Variants in DPP6 observed in about 807,000 individuals in gnomAD.
DPP6 encodes A-type potassium channel modulatory protein DPP6.
A neutral mutation model predicts 122.6 loss-of-function variants in DPP6; 69 were observed. The observed-to-expected ratio is 0.56, with a 90% confidence interval of 0.46 to 0.69. The LOEUF (loss-of-function observed/expected upper bound fraction) is 0.69. DPP6 is among the 30% of genes least tolerant of loss of function. The pLI, the probability that DPP6 is intolerant of heterozygous loss-of-function variation, is 0.00. For missense variants in DPP6, 928 were observed against 1,116.9 expected (o/e 0.83, Z 2.41); for synonymous variants, 418 against 433.1 (o/e 0.97, Z 0.43).
At chr7:154,320,484 T>TG (rs11456801) in intron 1 of DPP6, among the ~76,000 whole-genome samples, 93,932 of 151,628 alleles carry the variant, frequency 0.62, 30,138 homozygotes, top group Middle Eastern at 0.73. Flanking sequence ...TGTTTTTTTT[T>TG]TTGTTGTTGT....
chr7:154,274,742 G>A (rs1223723751), intron 1 of DPP6, among the ~76,000 whole-genome samples: 1 of 152,274 alleles, frequency 6.6e-6, no homozygotes, highest in African/African-American at 2.4e-5. Context: ...CAGTGCCTAT[G>A]TGTATATTAG....
chr7:153,898,989 A>G (rs148563852), intron 1 of DPP6, among the ~76,000 whole-genome samples: 1 of 152,326 alleles, frequency 6.6e-6, no homozygotes, highest in African/African-American at 2.4e-5. Flanking sequence ...CAAGAAGGGA[A>G]AGGCGAGAGA....
At chr7:154,623,615 G>A (rs1373406466) in intron 5 of DPP6, among the ~76,000 whole-genome samples, 2 of 142,958 alleles carry the variant, frequency 1.4e-5, no homozygotes, top group Non-Finnish European at 3.0e-5. Flanking sequence ...ACACACGCAC[G>A]TACACGCGCA....
intron 8 of DPP6, among the ~76,000 whole-genome samples, chr7:154,744,257 G>A (rs1394807751): frequency 6.6e-6 from 1 of 152,202 alleles, no homozygotes; most frequent in Non-Finnish European, 1.5e-5. Context: ...AAGAAAGGAA[G>A]ACTGGGGAAT....
At chr7:154,210,356 C>T (rs929901805) in intron 1 of DPP6, among the ~76,000 whole-genome samples, 2 of 152,120 alleles carry the variant, frequency 1.3e-5, no homozygotes, top group African/African-American at 4.8e-5. Flanking sequence ...TTCTCTCATC[C>T]AACACTGTGT....
At chr7:153,854,355 A>G in the DPP6 span, among the ~76,000 whole-genome samples, 2 of 152,150 alleles carry the variant, frequency 1.3e-5, no homozygotes, top group South Asian at 2.1e-4. Flanking sequence ...AAGGGCTAAT[A>G]TCCAGAATCT....
the DPP6 span, among the ~76,000 whole-genome samples, chr7:153,807,633 C>T: frequency 2.6e-5 from 4 of 151,962 alleles, no homozygotes; most frequent in South Asian, 2.1e-4. Flanking sequence ...GAGGTTTTGG[C>T]GGGGCTCGGG....
At chr7:154,800,445 A>C (rs1798292951) in intron 12 of DPP6, among the ~76,000 whole-genome samples, 1 of 152,250 alleles carries the variant, frequency 6.6e-6, no homozygotes, top group African/African-American at 2.4e-5. Flanking sequence ...TCACGGATGG[A>C]AACTTTCAAA....
chr7:154,196,079 A>G (rs1798852142), intron 1 of DPP6, among the ~76,000 whole-genome samples: 1 of 152,232 alleles, frequency 6.6e-6, no homozygotes, highest in East Asian at 1.9e-4. Flanking sequence ...TCCATCGGAT[A>G]GAATAACTGT....
chr7:154,194,552 A>C lies in DPP6; in HGVS notation c.243+141489A>C, dbSNP rs140294731. Among the ~76,000 whole-genome samples, 479 of 152,306 alleles carry C rather than the reference A, an allele frequency of 3.1e-3. 2 individuals are homozygous for C. Among genetic ancestry groups the C allele is most frequent in the African/African-American group, 9.5e-3 (393 of 41,568 alleles). On this transcript the variant is annotated intron_variant, in intron 1 of 25. Transcript: ENST00000377770. ...TGTGACACCTCACCTCGCTCCTCCCAGGCAGCCAGAGATGCCCTTTCTGCC... is the reference window on the plus strand; with the variant it reads ...TGTGACACCTCACCTCGCTCCTCCCCGGCAGCCAGAGATGCCCTTTCTGCC...
intron 1 of DPP6, among the ~76,000 whole-genome samples, chr7:153,991,881 A>G (rs1797195097): frequency 6.6e-6 from 1 of 151,636 alleles, no homozygotes; most frequent in African/African-American, 2.4e-5. Flanking sequence ...TTGTGTTGCT[A>G]TAATAAAATA....
the DPP6 span, among the ~76,000 whole-genome samples, chr7:153,829,690 AC>A: frequency 6.6e-6 from 1 of 152,210 alleles, no homozygotes; most frequent in East Asian, 1.9e-4. Flanking sequence ...CACTTCTGGA[AC>A]GCAGCGTGCA....
Position 154,282,255 on chromosome 7 carries a change from A to G in DPP6, c.244-163959A>G, listed in dbSNP as rs927304263. ...GGTTTTCATTGATGGTGGCAGCTTT[A>G]GCCAGGCAGTGGTTTCCCTGTTGTA... is the stretch of plus-strand genomic sequence containing the variant. On this transcript the variant is annotated intron_variant, in intron 1 of 25. Coordinates refer to ENST00000377770, the MANE Select transcript of DPP6 (RefSeq NM_130797.4). This position sits in a 1 kb window ranked among gnomAD's most constrained non-coding sequence, Gnocchi z 4.8. 6.6e-6 allele frequency among the ~76,000 whole-genome samples: 1 copy of G among 152,102 alleles called. No homozygotes were observed. The highest frequency in any genetic ancestry group is 1.5e-5 in the Non-Finnish European group (1 of 68,004).
intron 1 of DPP6, among the ~76,000 whole-genome samples, chr7:154,062,172 G>C (rs1440637046): frequency 9.8e-6 from 1 of 101,932 alleles, no homozygotes; most frequent in East Asian, 2.7e-4. Flanking sequence ...GACCCACATC[G>C]TTGATCCTAA....
chr7:154,601,507 C>T, intron 5 of DPP6, among the ~76,000 whole-genome samples: 1 of 120,648 alleles, frequency 8.3e-6, no homozygotes, highest in South Asian at 3.4e-4. Flanking sequence ...TTCTTCAGTC[C>T]ATTTGTTTGA....
chr7:154,885,922 C>T (rs999872574), intron 22 of DPP6, among the ~76,000 whole-genome samples, 178 bp downstream of exon 22: 1 of 152,202 alleles, frequency 6.6e-6, no homozygotes, highest in Non-Finnish European at 1.5e-5. Flanking sequence ...GGAAGGGTCT[C>T]AGGTAATATG....
chr7:154,062,033 C>CCCA (rs1802039485), intron 1 of DPP6, among the ~76,000 whole-genome samples: 1 of 127,844 alleles, frequency 7.8e-6, no homozygotes, highest in African/African-American at 2.9e-5. Flanking sequence ...GAGGCACCCC[C>CCCA]CGCGAGGCAG....
intron 7 of DPP6, among the ~76,000 whole-genome samples, chr7:154,684,699 T>C (rs3823518): frequency 0.4 from 60,601 of 151,990 alleles, 12,123 homozygotes; most frequent in East Asian, 0.43. Flanking sequence ...TAGTTACCCT[T>C]CAGATAAAAA....
chr7:154,545,070 C>T (rs1158672071), intron 4 of DPP6, among the ~76,000 whole-genome samples: 1 of 152,162 alleles, frequency 6.6e-6, no homozygotes, highest in Non-Finnish European at 1.5e-5. Context: ...GAGGCACTCG[C>T]AGAACTCTAA....
Sources: allele counts gnomAD v4.1 joint callset (sites outside exome capture counted in the v4.1 genomes callset), GRCh38; gene constraint gnomAD v4.1.1; non-coding constraint Gnocchi (gnomAD v3.1); transcripts MANE v1.5; gene names NCBI Gene and HGNC (gene_info 2026-07-23, HGNC 2026-07-21).